The following FRY variants were observed in gnomAD, a reference collection of about 807,000 sequenced individuals.
FRY encodes FRY microtubule binding protein, also known as protein furry homolog.
FRY carries 128 observed loss-of-function variants against 348.4 expected under a neutral mutation model. The observed-to-expected ratio is 0.37, with a 90% confidence interval of 0.32 to 0.43. The LOEUF is 0.43. Among genes scored for constraint, FRY ranks in the 20% least tolerant of loss-of-function variants. FRY has a pLI of 1.00. For synonymous variants in FRY, 1,370 were observed against 1,374.7 expected (o/e 1.00, Z 0.08); for missense variants, 2,736 against 3,695.2 (o/e 0.74, Z 6.73).
At chr13:32,045,752 G>A (rs1460544679) in intron 1 of FRY, among the ~76,000 whole-genome samples, 1 of 152,174 alleles carries the variant, frequency 6.6e-6, no homozygotes, top group Non-Finnish European at 1.5e-5. Context: ...TCATTGGCCA[G>A]AGATGAGGTA....
chr13:32,202,801 T>C (rs1317123597), intron 31 of FRY, among the ~76,000 whole-genome samples: 1 of 151,948 alleles, frequency 6.6e-6, no homozygotes, highest in Non-Finnish European at 1.5e-5. Context: ...AATACAAAAA[T>C]TAGCCAGGTC....
intron 12 of FRY, 37 bp from the exon 13 acceptor site, chr13:32,147,802 A>G (rs1383458181): frequency 3.5e-6 from 4 of 1,130,782 alleles, no homozygotes; most frequent in East Asian, 2.3e-5. Context: ...AGCTCAGCCA[A>G]TCTTGCTTGT....
At chr13:32,175,491 G>T in intron 19 of FRY, 55 bp from the exon 20 acceptor site, 1 of 1,051,106 alleles carries the variant, frequency 9.5e-7, no homozygotes, top group South Asian at 1.2e-5. Flanking sequence ...AGGCGGTGGG[G>T]TGGGTGGGGA....
rs764365797 is a variant in FRY, at chr13:32,267,408, C to T, written c.8136+49C>T. 7.2e-6 allele frequency: 11 copies of T among 1,518,300 alleles called. No homozygotes were observed. The East Asian group carries it at 9.0e-5, about 12-fold the overall frequency. The allele number at this position is 1,518,300 out of a possible 1,614,324, so 94.1% of individuals were successfully genotyped here. A position where few individuals can be genotyped will look rare whatever the true frequency, so the allele number is the denominator to read the frequency against. On this transcript the variant is annotated intron_variant, in intron 55 of 60. Coordinates refer to ENST00000542859, the MANE Select transcript of FRY (RefSeq NM_023037.3). ...AGAGGACTTAGTTTCTAAGGGGAGC[C>T]GGGTAACTTTGAATTTAAGGAGAGG...
intron 29 of FRY, among the ~76,000 whole-genome samples, chr13:32,195,016 A>G (rs367780682): frequency 6.6e-6 from 1 of 152,320 alleles, no homozygotes; most frequent in East Asian, 1.9e-4. Flanking sequence ...TTAAATAGCT[A>G]TCTTGAGCTA....
chr13:32,202,263 T>C, intron 30 of FRY, 93 bp from the exon 31 acceptor site: 1 of 994,398 alleles, frequency 1.0e-6, no homozygotes, highest in Non-Finnish European at 1.6e-6. Context: ...TTAATTAATT[T>C]TGTTACTTCT....
intron 53 of FRY, among the ~76,000 whole-genome samples, chr13:32,263,815 T>C (rs535230213): frequency 6.6e-6 from 1 of 152,174 alleles, no homozygotes; most frequent in African/African-American, 2.4e-5. Flanking sequence ...AAGACCAGCC[T>C]GGCCAAGATG....
intron 3 of FRY, among the ~76,000 whole-genome samples, chr13:32,108,769 A>G (rs577486890): frequency 1.3e-5 from 2 of 152,332 alleles, no homozygotes; most frequent in South Asian, 4.1e-4. Context: ...TACAATTTTA[A>G]AATAGCTCAA....
intron 1 of FRY, among the ~76,000 whole-genome samples, chr13:32,067,790 G>A (rs1156445670): frequency 6.6e-6 from 1 of 152,150 alleles, no homozygotes; most frequent in Non-Finnish European, 1.5e-5. Flanking sequence ...CTTAGACCTT[G>A]GACTCTGAGT....
chr13:32,070,558 GTTT>G (rs56360034), intron 1 of FRY, among the ~76,000 whole-genome samples: 24 of 144,530 alleles, frequency 1.7e-4, no homozygotes, highest in African/African-American at 4.8e-4. Flanking sequence ...TTTTTGATGG[GTTT>G]TTTTTTTTTT....
Position 32,214,459 on chromosome 13 carries a change from A to T in FRY, c.4682+2077A>T, listed in dbSNP as rs193273094. 6.9e-3 allele frequency among the ~76,000 whole-genome samples: 1,047 copies of T among 152,072 alleles called. 21 individuals carry two copies. The highest frequency in any genetic ancestry group is 0.05 in the South Asian group (242 of 4,806). ...ATTTTGAGTGTGTGTGATTTTATTT[A>T]TTTTTTTTAGCTCATCAGCTATTGT... On this transcript the variant is annotated intron_variant, in intron 35 of 60. Coordinates refer to ENST00000542859, the MANE Select transcript of FRY (RefSeq NM_023037.3).
chr13:32,047,737 GTT>G (rs11338252), intron 1 of FRY, among the ~76,000 whole-genome samples: 1 of 151,502 alleles, frequency 6.6e-6, no homozygotes, highest in Non-Finnish European at 1.5e-5. Context: ...CTCCTGGCTA[GTT>G]TTTTTGTATT....
intron 3 of FRY, among the ~76,000 whole-genome samples, chr13:32,108,200 G>T (rs1050296099): frequency 3.9e-5 from 6 of 152,156 alleles, no homozygotes; most frequent in Non-Finnish European, 8.8e-5. Flanking sequence ...GAATGGTGTG[G>T]ACAGTAAATA....
chr13:32,165,373 A>G (rs948931310), intron 17 of FRY, among the ~76,000 whole-genome samples: 8 of 152,216 alleles, frequency 5.3e-5, no homozygotes, highest in East Asian at 1.9e-4. Flanking sequence ...TCTCAATTGT[A>G]TATATTGCCT....
Position 32,179,703 on chromosome 13 carries a change from T to C in FRY, c.2900T>C (p.Leu967Pro). The C allele has an allele frequency of 6.2e-7, 1 of 1,613,978 alleles. No individual in the cohort carries two copies. Among genetic ancestry groups the C allele is most frequent in the Non-Finnish European group, 8.5e-7 (1 of 1,179,834 alleles). The change falls in exon 23 of 61, where the codon CTG (leucine) becomes CCG (proline). Residue 967 changes from leucine (L) to proline (P), a missense_variant. This residue lies in a region of FRY where 449 missense variants were observed against 576.9 expected (regional missense o/e 0.78). Coordinates refer to ENST00000542859, the MANE Select transcript of FRY (RefSeq NM_023037.3). ...KAIGTPSVGV[L>P]LKQLVPLMRL... ...ATAGGCACCCCATCGGTGGGAGTTC[T>C]GTTAAAGCAGTTGGTGCCTTTGATG...
intron 15 of FRY, among the ~76,000 whole-genome samples, chr13:32,156,433 C>T (rs958916547): frequency 6.6e-6 from 1 of 152,042 alleles, no homozygotes; most frequent in African/African-American, 2.4e-5. Context: ...GAAACCCTGT[C>T]TCTACTAAAA....
chr13:32,051,235 A>G (rs1018981521), intron 1 of FRY, among the ~76,000 whole-genome samples: 1 of 152,182 alleles, frequency 6.6e-6, no homozygotes, highest in East Asian at 1.9e-4. Flanking sequence ...GTTTTGTGGT[A>G]TAAGTGGGAC....
chr13:32,170,466 CTATATCGGAAAACTCTGTAT>C (rs1324125093), intron 17 of FRY, among the ~76,000 whole-genome samples: 20 of 152,156 alleles, frequency 1.3e-4, no homozygotes, highest in African/African-American at 1.7e-4. Flanking sequence ...CCGAAGAACG[CTATATCGGAAAACTCTGTAT>C]TATCTTTGCA....
intron 14 of FRY, among the ~76,000 whole-genome samples, chr13:32,154,521 A>T (rs183423494): frequency 4.6e-5 from 7 of 152,202 alleles, no homozygotes; most frequent in Non-Finnish European, 8.8e-5. Flanking sequence ...GCTTCCCACT[A>T]TACCTCAGTT....
Sources: gnomAD v4.1 joint callset for allele counts (sites outside exome capture counted in the v4.1 genomes callset) on GRCh38, gnomAD v4.1.1 for gene constraint, gnomAD v4.1.1 regional missense constraint, MANE v1.5 for transcripts, NCBI Gene and HGNC (gene_info 2026-07-23, HGNC 2026-07-21) for gene names.